BMAL1: variants seen among roughly 807,000 people sequenced by gnomAD.
The protein encoded by BMAL1 is basic helix-loop-helix ARNT-like protein 1.
chr11:13,284,132 ATATATATATATGTG>A, the BMAL1 span, among the ~76,000 whole-genome samples: 82 of 70,302 alleles, frequency 1.2e-3, 12 homozygotes, highest in African/African-American at 3.7e-3. Context: ...GTGTGTGTAT[ATATATATATATGTG>A]TATATATATA....
the BMAL1 span, among the ~76,000 whole-genome samples, chr11:13,313,054 G>T: frequency 6.6e-6 from 1 of 152,350 alleles, no homozygotes; most frequent in South Asian, 2.1e-4. Flanking sequence ...TCCTCTTGGG[G>T]TGACTACAGA....
chr11:13,299,775 C>A, the BMAL1 span, among the ~76,000 whole-genome samples: 1 of 152,250 alleles, frequency 6.6e-6, no homozygotes, highest in South Asian at 2.1e-4. Flanking sequence ...AAGTCGGAGG[C>A]CTTGGCTGAG....
At chr11:13,365,876 G>A in the BMAL1 span, among the ~76,000 whole-genome samples, 1 of 152,162 alleles carries the variant, frequency 6.6e-6, no homozygotes, top group Non-Finnish European at 1.5e-5. Context: ...GAGGGTAAGA[G>A]GCTATCTGAC....
chr11:13,322,024 A>C, the BMAL1 span, among the ~76,000 whole-genome samples: 1 of 152,146 alleles, frequency 6.6e-6, no homozygotes, highest in East Asian at 1.9e-4. Flanking sequence ...TGTTATCACC[A>C]TGTGAGGCTG....
chr11:13,370,765 T>A, the BMAL1 span, among the ~76,000 whole-genome samples: 28 of 152,286 alleles, frequency 1.8e-4, no homozygotes, highest in Non-Finnish European at 3.4e-4. Context: ...AGTCCCCTTT[T>A]AAAAACCCTT....
chr11:13,309,694 A>C, the BMAL1 span, among the ~76,000 whole-genome samples: 1 of 152,124 alleles, frequency 6.6e-6, no homozygotes, highest in Non-Finnish European at 1.5e-5. Context: ...TTCTCTTAAA[A>C]AGCCTACAGT....
chr11:13,362,660 C>G, the BMAL1 span, among the ~76,000 whole-genome samples: 1 of 152,166 alleles, frequency 6.6e-6, no homozygotes, highest in South Asian at 2.1e-4. Context: ...TTCAAACACC[C>G]AACTTTGCCC....
At chr11:13,294,062 A>AT in the BMAL1 span, among the ~76,000 whole-genome samples, 133 of 151,650 alleles carry the variant, frequency 8.8e-4, 1 homozygote, top group Non-Finnish European at 1.3e-3. Flanking sequence ...AGCAATAGTG[A>AT]TTTTTTTTTC....
the BMAL1 span, among the ~76,000 whole-genome samples, chr11:13,284,077 GGT>G: frequency 0.19 from 16,114 of 85,424 alleles, 2,916 homozygotes; most frequent in East Asian, 0.41. Context: ...ACAGTGTTGG[GGT>G]GTGTGTGTGT....
chr11:13,351,677 TGGAA>T, the BMAL1 span, among the ~76,000 whole-genome samples: 1 of 152,146 alleles, frequency 6.6e-6, no homozygotes, highest in Non-Finnish European at 1.5e-5. Flanking sequence ...ACCACTGAAA[TGGAA>T]GGAGTCCCGT....
At chr11:13,360,518 C>CTTT in the BMAL1 span, 2 of 1,011,564 alleles carry the variant, frequency 2.0e-6, no homozygotes, top group Non-Finnish European at 2.9e-6. Context: ...CAACACTGAG[C>CTTT]TTTTTTTTTT....
At chr11:13,375,846 A>C in the BMAL1 span, 1 of 1,333,004 alleles carries the variant, frequency 7.5e-7, no homozygotes, top group Non-Finnish European at 1.0e-6. Context: ...GGTGCAGGCA[A>C]CATCCAGTAT....
the BMAL1 span, among the ~76,000 whole-genome samples, chr11:13,384,087 C>T: frequency 2.0e-5 from 3 of 152,212 alleles, no homozygotes; most frequent in South Asian, 6.2e-4. Flanking sequence ...TGTATATGGT[C>T]ATTCGGTTTT....
the BMAL1 span, chr11:13,365,524 G>A: frequency 1.4e-4 from 221 of 1,613,298 alleles, no homozygotes; most frequent in South Asian, 2.0e-3. Flanking sequence ...TTTGTTTGTC[G>A]TAGGATGTGA....
the BMAL1 span, chr11:13,360,529 A>T: frequency 1.1e-6 from 1 of 938,496 alleles, no homozygotes; most frequent in East Asian, 2.6e-5. Flanking sequence ...TTTTTTTTTT[A>T]GGCCTGCTTC....
the BMAL1 span, among the ~76,000 whole-genome samples, chr11:13,296,703 C>T: frequency 2.0e-5 from 3 of 152,286 alleles, no homozygotes; most frequent in South Asian, 6.2e-4. Context: ...TGTTCCAAAT[C>T]TTCTCTGGCT....
the BMAL1 span, among the ~76,000 whole-genome samples, chr11:13,311,947 T>C: frequency 6.6e-6 from 1 of 152,188 alleles, no homozygotes; most frequent in Admixed American, 6.5e-5. Context: ...TCTATCCAAG[T>C]ATGGGGACTT....
At chr11:13,372,889 T>C in the BMAL1 span, among the ~76,000 whole-genome samples, 1 of 152,230 alleles carries the variant, frequency 6.6e-6, no homozygotes, top group Non-Finnish European at 1.5e-5. Context: ...ACAGAGATTT[T>C]TCTGTCATTC....
chr11:13,277,325 C>T, the BMAL1 span, among the ~76,000 whole-genome samples: 7 of 152,092 alleles, frequency 4.6e-5, no homozygotes, highest in South Asian at 2.1e-4. Flanking sequence ...CGGCAGGGGA[C>T]CCAGAGAAGA....
Sources: allele counts gnomAD v4.1 joint callset (sites outside exome capture counted in the v4.1 genomes callset), GRCh38; gene constraint gnomAD v4.1.1; transcripts MANE v1.5; gene names NCBI Gene and HGNC (gene_info 2026-07-23, HGNC 2026-07-21).